The following CTNNA3 variants were observed in gnomAD, a reference collection of about 807,000 sequenced individuals.
CTNNA3 encodes catenin alpha 3.
Under a neutral mutation model 95.7 loss-of-function variants are expected in CTNNA3, and 76 were observed. The ratio of observed to expected loss-of-function variants is 0.79; its 90% CI spans 0.66 to 0.96. The LOEUF (loss-of-function observed/expected upper bound fraction) is 0.96. CTNNA3 is among the 40% of genes least tolerant of loss of function. The probability of loss-of-function intolerance (pLI) is 0.00; values close to 1 mark genes in which losing one functional copy is unlikely to be tolerated. For synonymous variants in CTNNA3, 431 were observed against 374.4 expected (o/e 1.15, Z -1.74); for missense variants, 1,191 against 1,089.8 (o/e 1.09, Z -1.31).
At chr10:67,077,504 G>T (rs1158531743) in intron 7 of CTNNA3, among the ~76,000 whole-genome samples, 1 of 151,962 alleles carries the variant, frequency 6.6e-6, no homozygotes, top group African/African-American at 2.4e-5. Flanking sequence ...TCCCCTGCCT[G>T]CCTCTCATCC....
At chr10:67,410,502 C>G (rs975945381) in intron 5 of CTNNA3, among the ~76,000 whole-genome samples, 2 of 151,780 alleles carry the variant, frequency 1.3e-5, no homozygotes, top group African/African-American at 4.8e-5. Flanking sequence ...ACATGTACCC[C>G]TGAACTTAAA....
At chr10:67,125,434 A>G (rs1467829565) in intron 7 of CTNNA3, among the ~76,000 whole-genome samples, 2 of 152,158 alleles carry the variant, frequency 1.3e-5, no homozygotes, top group African/African-American at 4.8e-5. Flanking sequence ...ATCATTAGCA[A>G]TTGATGTTCT....
At chr10:66,374,606 C>CTTTTT (rs58880058) in intron 12 of CTNNA3, among the ~76,000 whole-genome samples, 13 of 88,150 alleles carry the variant, frequency 1.5e-4, no homozygotes, top group African/African-American at 3.4e-4. Flanking sequence ...AAAGAAAAGC[C>CTTTTT]TTTTTTTTTT....
At chr10:67,610,279 A>G (rs1344951751) in intron 2 of CTNNA3, among the ~76,000 whole-genome samples, 1 of 152,244 alleles carries the variant, frequency 6.6e-6, no homozygotes, top group Non-Finnish European at 1.5e-5. Context: ...TAAATGCCAG[A>G]GAAGTAAGAA....
intron 5 of CTNNA3, among the ~76,000 whole-genome samples, chr10:67,391,341 C>T (rs1397706409): frequency 6.6e-6 from 1 of 150,390 alleles, no homozygotes. Context: ...AGGAATCCAA[C>T]TTACAAGGGA....
intron 17 of CTNNA3, among the ~76,000 whole-genome samples, chr10:65,960,026 A>G (rs1156971758): frequency 6.6e-6 from 1 of 152,192 alleles, no homozygotes; most frequent in Non-Finnish European, 1.5e-5. Context: ...GTGTTGAGAA[A>G]AGTGATTGAG....
At chr10:67,519,227 G>A (rs972576840) in intron 5 of CTNNA3, among the ~76,000 whole-genome samples, 5 of 152,168 alleles carry the variant, frequency 3.3e-5, no homozygotes, top group East Asian at 1.9e-4. Context: ...ATCTTGTGCC[G>A]AGAAAGAAAT....
At chr10:66,363,107 G>A (rs1173546328) in intron 12 of CTNNA3, among the ~76,000 whole-genome samples, 1 of 152,166 alleles carries the variant, frequency 6.6e-6, no homozygotes, top group Admixed American at 6.5e-5. Context: ...ACAACAGAAT[G>A]AAGCTGCTAA....
chr10:66,156,133 C>G (rs1365931151), intron 13 of CTNNA3, among the ~76,000 whole-genome samples: 5 of 151,864 alleles, frequency 3.3e-5, no homozygotes, highest in African/African-American at 4.8e-5. Context: ...TTAGACTGGT[C>G]AGGCATCTTG....
At chr10:67,090,489 T>C (rs1857566465) in intron 7 of CTNNA3, among the ~76,000 whole-genome samples, 1 of 152,078 alleles carries the variant, frequency 6.6e-6, no homozygotes, top group South Asian at 2.1e-4. Flanking sequence ...CCAGTAAGAA[T>C]TAGATAGAGT....
chr10:67,482,590 C>T (rs1848277647), intron 5 of CTNNA3, among the ~76,000 whole-genome samples: 1 of 152,110 alleles, frequency 6.6e-6, no homozygotes, highest in African/African-American at 2.4e-5. Flanking sequence ...GATTTTTGTA[C>T]ATTGATTTTG....
At chr10:67,126,329 C>T in intron 7 of CTNNA3, among the ~76,000 whole-genome samples, 1 of 152,242 alleles carries the variant, frequency 6.6e-6, no homozygotes, top group Middle Eastern at 3.4e-3. Context: ...GAGTTCAAGA[C>T]CAGCCTGGCC....
intron 15 of CTNNA3, among the ~76,000 whole-genome samples, chr10:66,055,867 A>T (rs1348150976): frequency 7.0e-6 from 1 of 143,110 alleles, no homozygotes; most frequent in Non-Finnish European, 1.5e-5. Context: ...GGTTGTAGTG[A>T]GCCAAGGTCA....
chr10:66,964,958 A>G (rs2132792774), intron 7 of CTNNA3, among the ~76,000 whole-genome samples: 1 of 152,352 alleles, frequency 6.6e-6, no homozygotes, highest in Admixed American at 6.5e-5. Context: ...TAGAAAATTT[A>G]AAGCTATTAA....
At chr10:66,536,463 C>T (rs540015822) in intron 10 of CTNNA3, among the ~76,000 whole-genome samples, 231 of 123,026 alleles carry the variant, frequency 1.9e-3, no homozygotes, top group African/African-American at 6.8e-3. Flanking sequence ...GCCTGGTCAA[C>T]AGAGCAAGAC....
At chr10:66,351,127 C>T (rs910297893) in intron 12 of CTNNA3, among the ~76,000 whole-genome samples, 2 of 151,962 alleles carry the variant, frequency 1.3e-5, no homozygotes, top group African/African-American at 4.8e-5. Flanking sequence ...TGACAGAATT[C>T]AGTGAATCAT....
chr10:66,449,387 T>C (rs560040685), intron 11 of CTNNA3, among the ~76,000 whole-genome samples: 2 of 152,232 alleles, frequency 1.3e-5, no homozygotes, highest in Non-Finnish European at 2.9e-5. Flanking sequence ...ACACGTCAAA[T>C]ACCACAGGCA....
At chr10:67,517,383 TCTAA>T (rs1470443736) in intron 5 of CTNNA3, among the ~76,000 whole-genome samples, 3 of 152,196 alleles carry the variant, frequency 2.0e-5, no homozygotes, top group Non-Finnish European at 4.4e-5. Context: ...ATAAATTTTA[TCTAA>T]CTTATTTTTA....
chr10:66,771,096 G>A (rs1006275105), intron 8 of CTNNA3, among the ~76,000 whole-genome samples: 4 of 152,074 alleles, frequency 2.6e-5, no homozygotes, highest in Non-Finnish European at 5.9e-5. Context: ...CTGGTACTAT[G>A]CAACATGGAA....
Sources: allele counts gnomAD v4.1 joint callset (sites outside exome capture counted in the v4.1 genomes callset), GRCh38; gene constraint gnomAD v4.1.1; transcripts MANE v1.5; gene names NCBI Gene and HGNC (gene_info 2026-07-23, HGNC 2026-07-21).